The following TENM2 variants were observed in gnomAD, a reference collection of about 807,000 sequenced individuals.
The protein encoded by TENM2 is teneurin transmembrane protein 2, also known as teneurin-2.
A neutral mutation model predicts 245.2 loss-of-function variants in TENM2; 52 were observed. That is an observed-to-expected ratio of 0.21 (90% CI 0.17 to 0.27). TENM2 has a LOEUF of 0.27. TENM2 is among the 10% of genes least tolerant of loss of function. The pLI, the probability that TENM2 is intolerant of heterozygous loss-of-function variation, is 1.00. For synonymous variants in TENM2, 1,363 were observed against 1,438.9 expected (o/e 0.95, Z 1.19); for missense variants, 3,046 against 3,666.8 (o/e 0.83, Z 4.37).
intron 2 of TENM2, among the ~76,000 whole-genome samples, chr5:167,684,647 T>C (rs1561670263): frequency 6.6e-6 from 1 of 152,216 alleles, no homozygotes; most frequent in Admixed American, 6.5e-5. Flanking sequence ...CTATAGGCTA[T>C]TTTAAGGGTA....
At chr5:167,273,243 C>T in the TENM2 span, among the ~76,000 whole-genome samples, 13 of 152,046 alleles carry the variant, frequency 8.6e-5, no homozygotes, top group African/African-American at 2.9e-4. Context: ...TCTTCAAGGG[C>T]GGAAATGTGG....
chr5:168,031,600 G>A (rs1356760601), intron 5 of TENM2, among the ~76,000 whole-genome samples: 1 of 150,024 alleles, frequency 6.7e-6, no homozygotes, highest in Non-Finnish European at 1.5e-5. Flanking sequence ...GGTCTGGGAG[G>A]AAAGAAAGAA....
At chr5:167,653,166 A>C (rs1275354313) in intron 2 of TENM2, 1 of 152,188 alleles carries the variant, frequency 6.6e-6, no homozygotes, top group Non-Finnish European at 1.5e-5. Flanking sequence ...AGACACACAC[A>C]CACACTCACA....
the TENM2 span, among the ~76,000 whole-genome samples, chr5:167,202,280 C>T: frequency 2.0e-5 from 3 of 152,078 alleles, no homozygotes; most frequent in Non-Finnish European, 2.9e-5. Flanking sequence ...CTGCATCTCC[C>T]GGTCTCTTCC....
intron 4 of TENM2, among the ~76,000 whole-genome samples, chr5:167,980,570 A>G (rs1782760870): frequency 6.6e-6 from 1 of 152,116 alleles, no homozygotes; most frequent in Non-Finnish European, 1.5e-5. Context: ...GGAAGAGATG[A>G]CCTCGACCAT....
At chr5:167,539,574 A>G (rs1264930948) in intron 2 of TENM2, among the ~76,000 whole-genome samples, 2 of 152,220 alleles carry the variant, frequency 1.3e-5, no homozygotes, top group African/African-American at 2.4e-5. Flanking sequence ...GATGATTTGG[A>G]GAAAGGTTTC....
At chr5:167,358,457 C>T (rs991556426) in intron 1 of TENM2, among the ~76,000 whole-genome samples, 3 of 106,430 alleles carry the variant, frequency 2.8e-5, no homozygotes, top group Admixed American at 1.2e-4. Flanking sequence ...CTGCACAGGT[C>T]ACTCCTTTCT....
intron 2 of TENM2, among the ~76,000 whole-genome samples, chr5:167,832,707 G>A (rs548484957): frequency 1.3e-5 from 2 of 151,814 alleles, no homozygotes; most frequent in East Asian, 3.9e-4. Flanking sequence ...GAGAGGGAAA[G>A]GAGGGATGGA....
the TENM2 span, among the ~76,000 whole-genome samples, chr5:167,118,401 C>T: frequency 6.6e-6 from 1 of 152,100 alleles, no homozygotes; most frequent in Non-Finnish European, 1.5e-5. Flanking sequence ...AAAATGCTTG[C>T]CAAGTCCAGA....
chr5:167,714,479 T>C (rs1446939179), intron 2 of TENM2, among the ~76,000 whole-genome samples: 2 of 152,172 alleles, frequency 1.3e-5, no homozygotes, highest in African/African-American at 2.4e-5. Flanking sequence ...AGGTGGCATC[T>C]CTTAGCTGAA....
chr5:168,029,898 G>A (rs1346374148), intron 5 of TENM2, among the ~76,000 whole-genome samples: 1 of 152,184 alleles, frequency 6.6e-6, no homozygotes, highest in Non-Finnish European at 1.5e-5. Context: ...ATTTTTTAAA[G>A]TTCCATTGAT....
intron 3 of TENM2, among the ~76,000 whole-genome samples, chr5:167,950,068 C>T (rs1779960170): frequency 6.6e-6 from 1 of 152,172 alleles, no homozygotes; most frequent in Admixed American, 6.5e-5. Context: ...AAGTATTCTT[C>T]CATCTTCCCT....
At chr5:167,906,015 C>G (rs1279871052) in intron 3 of TENM2, among the ~76,000 whole-genome samples, 1 of 152,108 alleles carries the variant, frequency 6.6e-6, no homozygotes, top group Non-Finnish European at 1.5e-5. Context: ...GCACTTTCAT[C>G]TAGCTTTTCT....
intron 2 of TENM2, among the ~76,000 whole-genome samples, chr5:167,459,924 A>ACACACACACG (rs1178658632): frequency 5.5e-4 from 83 of 151,628 alleles, no homozygotes; most frequent in African/African-American, 1.9e-3. Context: ...ACACACACAC[A>ACACACACACG]CACACACACA....
the TENM2 span, among the ~76,000 whole-genome samples, chr5:167,205,045 A>G: frequency 1.3e-5 from 2 of 152,154 alleles, no homozygotes; most frequent in African/African-American, 4.8e-5. Flanking sequence ...ATAACAGAAA[A>G]CACCTCATAC....
chr5:167,998,665 C>T (rs1784224842), intron 5 of TENM2, among the ~76,000 whole-genome samples: 1 of 150,816 alleles, frequency 6.6e-6, no homozygotes. Flanking sequence ...CTCTTCAGAT[C>T]TCTGCCAAAC....
intron 2 of TENM2, among the ~76,000 whole-genome samples, chr5:167,580,709 G>C (rs930545703): frequency 2.0e-5 from 3 of 152,238 alleles, no homozygotes; most frequent in African/African-American, 7.2e-5. Flanking sequence ...AAAACTTGAG[G>C]CTGGGCTCAG....
At chr5:167,457,864 T>G (rs1766017710) in intron 2 of TENM2, among the ~76,000 whole-genome samples, 1 of 152,154 alleles carries the variant, frequency 6.6e-6, no homozygotes, top group Admixed American at 6.5e-5. Context: ...CATTCCTAAG[T>G]CATTGAGAGA....
the TENM2 span, among the ~76,000 whole-genome samples, chr5:167,238,807 C>A: frequency 5.7e-4 from 86 of 151,552 alleles, 2 homozygotes; most frequent in African/African-American, 1.9e-3. Context: ...TTTGTATGAT[C>A]TTTCTTCACT....
Sources: allele counts gnomAD v4.1 joint callset (sites outside exome capture counted in the v4.1 genomes callset), GRCh38; gene constraint gnomAD v4.1.1; transcripts MANE v1.5; gene names NCBI Gene and HGNC (gene_info 2026-07-23, HGNC 2026-07-21).